Variants in USP1 observed in about 807,000 individuals in gnomAD.
USP1 encodes ubiquitin specific peptidase 1.
USP1 carries 18 observed loss-of-function variants against 72.2 expected under a neutral mutation model. That is an observed-to-expected ratio of 0.25 (90% CI 0.17 to 0.37). USP1 has a LOEUF of 0.37. Ranked by LOEUF, USP1 falls within the 10% of genes least tolerant of loss-of-function variation. The pLI is 1.00. For missense variants in USP1, 759 were observed against 884.9 expected, an observed-to-expected ratio of 0.86 and a Z score of 1.81; for synonymous variants, 354 against 303.7, an observed-to-expected ratio of 1.17 and a Z score of -1.72.
At chr1:62,446,721 T>C (rs957585461) in intron 6 of USP1, among the ~76,000 whole-genome samples, 3 of 152,228 alleles carry the variant, frequency 2.0e-5, no homozygotes, top group Admixed American at 1.3e-4. Context: ...GTGAATAGTT[T>C]TACCAAAAAT....
intron 1 of USP1, among the ~76,000 whole-genome samples, chr1:62,438,664 G>A (rs1372552658): frequency 6.6e-6 from 1 of 152,144 alleles, no homozygotes; most frequent in African/African-American, 2.4e-5. Context: ...CTGAAAAATA[G>A]GCCTGATGTA....
chr1:62,437,319 G>A lies in USP1; in HGVS notation c.-151G>A. 3 of 396,490 alleles carry A rather than the reference G, an allele frequency of 7.6e-6. No individual in the cohort carries two copies. The highest frequency in any genetic ancestry group is 1.3e-5 in the Non-Finnish European group (3 of 225,204). 24.6% of individuals were successfully genotyped at this position (396,490 alleles called of 1,614,324 possible). On this transcript the variant is annotated 5_prime_UTR_variant, in exon 1 of 9. Transcript: ENST00000339950. ...CGGGGACCCGGCGGGCTCGGGGCAGGGACTCACCTGTCGCACCCACACTCA... is the reference window on the plus strand; with the variant it reads ...CGGGGACCCGGCGGGCTCGGGGCAGAGACTCACCTGTCGCACCCACACTCA...
At chr1:62,443,115 A>G in intron 4 of USP1, 44 bp from the exon 5 acceptor site, 1 of 1,581,100 alleles carries the variant, frequency 6.3e-7, no homozygotes, top group Non-Finnish European at 8.6e-7. Flanking sequence ...AAGGTACTTA[A>G]TTTGTTCATA....
chr1:62,443,187 G>C lies in USP1; in HGVS notation c.425G>C (p.Ser142Thr), dbSNP rs745763537. 9 of 1,611,132 alleles carry C rather than the reference G, an allele frequency of 5.6e-6. No individual in the cohort carries two copies. The Admixed American group carries it at 1.4e-4, about 24-fold the overall frequency. The change falls in exon 5 of 9, where the codon AGT becomes ACT. Residue 142 changes from serine to threonine, a missense_variant. Transcript: ENST00000339950. ...AATTGCAAAGAAGATTCTTTGGCAA[G>C]TTATGAATTGATATGCAGTTTACAG... is the stretch of plus-strand genomic sequence containing the variant. ...KGNCKEDSLA[S>T]YELICSLQSL...
chr1:62,443,745 T>C (rs572340842), intron 5 of USP1, among the ~76,000 whole-genome samples: 5 of 152,330 alleles, frequency 3.3e-5, no homozygotes, highest in Middle Eastern at 3.4e-3. Context: ...ATTCAAAATA[T>C]GTGTAAGAAC....
At position 62,437,066 on chromosome 1, in the gene USP1, C is replaced by T. The variant is rs1479871972; in HGVS notation, c.-404C>T. ...AGACTGAGGAAAACGCGCCAAGTTC[C>T]CCTCGGTGGCGGAGTGCTAAAGACC... On this transcript the variant is annotated 5_prime_UTR_variant, in exon 1 of 9. Coordinates refer to ENST00000339950, the MANE Select transcript of USP1 (RefSeq NM_003368.5). The T allele has an allele frequency of 2.5e-6, 1 of 398,748 alleles. No individual in the cohort carries two copies. Among genetic ancestry groups the T allele is most frequent in the African/African-American group, 2.1e-5 (1 of 48,630 alleles). 24.7% of individuals were successfully genotyped at this position (398,748 alleles called of 1,614,324 possible).
At chr1:62,449,957 T>G (rs1645202270) in intron 8 of USP1, among the ~76,000 whole-genome samples, 1 of 152,042 alleles carries the variant, frequency 6.6e-6, no homozygotes, top group Middle Eastern at 3.2e-3. Context: ...TCAGTCTATT[T>G]AAAATACCAT....
intron 1 of USP1, among the ~76,000 whole-genome samples, chr1:62,437,876 C>T (rs9436223): frequency 0.42 from 63,715 of 152,128 alleles, 15,076 homozygotes; most frequent in African/African-American, 0.65. Context: ...CGAAGATGTC[C>T]TTGTAGATTT....
At chr1:62,442,413 G>A in intron 4 of USP1, 114 bp downstream of exon 4, 2 of 725,072 alleles carry the variant, frequency 2.8e-6, no homozygotes, top group South Asian at 2.0e-5. Context: ...TTATTTCTCT[G>A]TTAGCGAGCT....
rs766775789 is a variant in USP1 at position 62,439,861 on chromosome 1, GA to G, written c.1del. The G allele has an allele frequency of 7.2e-7, 1 of 1,389,142 alleles. No individual in the cohort carries two copies. The highest frequency in any genetic ancestry group is 2.7e-5 in the East Asian group (1 of 37,426). 86.1% of individuals were successfully genotyped at this position (1,389,142 alleles called of 1,614,324 possible). On this transcript the variant is annotated 5_prime_UTR_variant, in exon 2 of 9. Coordinates refer to ENST00000339950, the MANE Select transcript of USP1 (RefSeq NM_003368.5). ...CTCTTGACACTCCTTGGGATTTGAAGAAAAAAATGCCTGGTGTCATACCTAG... is the reference window on the plus strand; with the variant it reads ...CTCTTGACACTCCTTGGGATTTGAAGAAAAAATGCCTGGTGTCATACCTAG...
intron 8 of USP1, 61 bp downstream of exon 8, chr1:62,448,727 T>C: frequency 6.6e-7 from 1 of 1,504,488 alleles, no homozygotes. Context: ...ATAAGTCTTG[T>C]TCAAAATGCT....
intron 2 of USP1, 42 bp from the exon 3 acceptor site, chr1:62,441,446 T>C: frequency 6.6e-7 from 1 of 1,515,686 alleles, no homozygotes; most frequent in Non-Finnish European, 8.8e-7. Context: ...ACCTTGTTTC[T>C]TTAAGATAAC....
Position 62,443,332 on chromosome 1 carries a change from A to C in USP1, c.557+13A>C. The C allele has an allele frequency of 1.3e-6, 2 of 1,578,376 alleles. No homozygotes were observed. The highest frequency in any genetic ancestry group is 1.7e-6 in the Non-Finnish European group (2 of 1,168,424). On this transcript the variant is annotated intron_variant, in intron 5 of 8. Transcript: ENST00000339950. ...TTAACACACTGAGGTATAGCCTATAATATAATTTTAGGGTTTCAATTTAGC... is the reference window on the plus strand; with the variant it reads ...TTAACACACTGAGGTATAGCCTATACTATAATTTTAGGGTTTCAATTTAGC...
In USP1 at chr1:62,441,524, A is replaced by G. The variant is rs1645134492; in HGVS notation, c.207A>G (p.Ile69Met). Reference sequence around the variant, plus strand: ...TTCCTGCAGCACAGTCTTCACCTATAAACTGTGAGAAGAGAGAAAACTTGT... The same window carrying G: ...TTCCTGCAGCACAGTCTTCACCTATGAACTGTGAGAAGAGAGAAAACTTGT... ...QVVPAAQSSPINCEKRENLLP... is the reference protein window; with the variant it reads ...QVVPAAQSSPMNCEKRENLLP... Residue 69 changes from isoleucine (I) to methionine (M), a missense_variant, in exon 3 of 9, where the codon ATA becomes ATG. Ile to Met is a conservative substitution (Grantham distance 10). Coordinates refer to ENST00000339950, the MANE Select transcript of USP1 (RefSeq NM_003368.5). The G allele has an allele frequency of 6.2e-7, 1 of 1,613,540 alleles. No individual in the cohort carries two copies. The highest frequency in any genetic ancestry group is 1.3e-5 in the African/African-American group (1 of 74,906).
At chr1:62,445,450 T>C (rs748700709) in intron 6 of USP1, 21 bp downstream of exon 6, 6 of 1,499,078 alleles carry the variant, frequency 4.0e-6, no homozygotes, top group East Asian at 4.6e-5. Flanking sequence ...TTCTTAGACT[T>C]TGATAGGTAG....
In USP1 at chr1:62,451,108, T is replaced by C; in HGVS notation, c.*127T>C. On this transcript the variant is annotated 3_prime_UTR_variant, in exon 9 of 9. Transcript: ENST00000339950. The stretch of plus-strand genomic sequence containing the variant: ...GATATTATTGGTCTCTCTAGGTTTT[T>C]ATATAAATAGTGAAATTTGAATTAC... The C allele has an allele frequency of 2.1e-6, 2 of 964,332 alleles. No homozygotes were observed. The highest frequency in any genetic ancestry group is 2.5e-5 in the South Asian group (1 of 39,810). The allele number at this position is 964,332 out of a possible 1,614,324, so 59.7% of individuals were successfully genotyped here.
At chr1:62,438,401 G>A (rs1645107512) in intron 1 of USP1, among the ~76,000 whole-genome samples, 1 of 152,210 alleles carries the variant, frequency 6.6e-6, no homozygotes, top group Non-Finnish European at 1.5e-5. Context: ...GTTGGAGACA[G>A]AATGGAGAGA....
intron 6 of USP1, among the ~76,000 whole-genome samples, chr1:62,446,684 T>C (rs904883368): frequency 3.3e-5 from 5 of 152,242 alleles, no homozygotes; most frequent in Admixed American, 6.5e-5. Context: ...TCTACAGATA[T>C]CAGGGAAAAT....
At chr1:62,437,509 C>T (rs534665386) in intron 1 of USP1, 109 bp downstream of exon 1, 1 of 232,318 alleles carries the variant, frequency 4.3e-6, no homozygotes, top group African/African-American at 2.3e-5. Context: ...GCCTCGCACC[C>T]TGGTCGACCT....
Sources: gnomAD v4.1 joint callset for allele counts (sites outside exome capture counted in the v4.1 genomes callset) on GRCh38, gnomAD v4.1.1 for gene constraint, MANE v1.5 for transcripts, NCBI Gene and HGNC (gene_info 2026-07-23, HGNC 2026-07-21) for gene names.